Variants in MED13L observed in about 807,000 individuals in gnomAD.
MED13L encodes mediator complex subunit 13L.
In MED13L, 7 loss-of-function variants were observed where a neutral mutation model predicts 220.9. The ratio of observed to expected loss-of-function variants is 0.03; its 90% CI spans 0.02 to 0.06. The LOEUF (loss-of-function observed/expected upper bound fraction) is 0.06, where lower values mean the gene tolerates loss of function less well. MED13L is among the 10% of genes least tolerant of loss of function. The probability of loss-of-function intolerance (pLI) is 1.00; values close to 1 mark genes in which losing one functional copy is unlikely to be tolerated. For synonymous variants in MED13L, 1,011 were observed against 1,015.2 expected (o/e 1.00, Z 0.08); for missense variants, 1,965 against 2,760.5 (o/e 0.71, Z 6.46).
At chr12:116,044,044 T>G (rs1182193394) in intron 4 of MED13L, among the ~76,000 whole-genome samples, 3 of 152,048 alleles carry the variant, frequency 2.0e-5, no homozygotes, top group African/African-American at 7.2e-5. Flanking sequence ...GCATTAAGAG[T>G]TCATGTGACC....
chr12:116,035,009 A>AAAAAC (rs879429576), intron 4 of MED13L, among the ~76,000 whole-genome samples: 9 of 152,336 alleles, frequency 5.9e-5, no homozygotes, highest in South Asian at 4.1e-4. Context: ...TCTCAAAAAC[A>AAAAAC]AAAACAAAAC....
chr12:116,181,289 T>C (rs1880501996), intron 2 of MED13L: 1 of 149,108 alleles, frequency 6.7e-6, no homozygotes, highest in African/African-American at 2.5e-5. Flanking sequence ...TTATAAATCA[T>C]CTTTAAAAAA....
At chr12:116,113,429 C>A (rs2137909148) in intron 2 of MED13L, among the ~76,000 whole-genome samples, 1 of 147,008 alleles carries the variant, frequency 6.8e-6, no homozygotes, top group East Asian at 2.0e-4. Context: ...TTGAGCCCAG[C>A]AGATCAAGAC....
chr12:116,006,303 C>T lies in MED13L; in HGVS notation c.2344+3G>A. ...AAGTGAGGCAAATAATCATTGTACA[C>T]ACCTGTTTTAGTAGCAGAACTGAAA... is the stretch of plus-strand genomic sequence containing the variant. On this transcript the variant is annotated splice_donor_region_variant and intron_variant, in intron 12 of 30. Transcript: ENST00000281928. 1.2e-6 allele frequency: 2 copies of T among 1,611,720 alleles called. No individual in the cohort carries two copies. Among genetic ancestry groups the T allele is most frequent in the Non-Finnish European group, 1.7e-6 (2 of 1,177,852 alleles).
At chr12:116,101,528 G>GTGGTGTT (rs981585197) in intron 3 of MED13L, among the ~76,000 whole-genome samples, 2 of 152,134 alleles carry the variant, frequency 1.3e-5, no homozygotes, top group Non-Finnish European at 2.9e-5. Context: ...TAATGCAACA[G>GTGGTGTT]TGGTGTTTGA....
intron 4 of MED13L, among the ~76,000 whole-genome samples, chr12:116,050,765 C>T (rs187251970): frequency 5.3e-5 from 8 of 152,096 alleles, no homozygotes; most frequent in African/African-American, 1.9e-4. Context: ...GGTGAAACCC[C>T]GTCTCTACTA....
chr12:116,246,204 T>C (rs1445141922), intron 1 of MED13L, among the ~76,000 whole-genome samples: 1 of 139,032 alleles, frequency 7.2e-6, no homozygotes, highest in East Asian at 2.0e-4. Flanking sequence ...TTTTTAGACA[T>C]GCAAAAAAAA....
intron 1 of MED13L, among the ~76,000 whole-genome samples, chr12:116,273,291 G>A (rs760249496): frequency 1.3e-4 from 20 of 151,782 alleles, no homozygotes; most frequent in African/African-American, 2.2e-4. Flanking sequence ...GCAACAAGGC[G>A]AAACTCCGTC....
At position 115,961,405 on chromosome 12, in the gene MED13L, A is replaced by G; in HGVS notation, c.6501-7T>C. On this transcript the variant is annotated splice_region_variant and splice_polypyrimidine_tract_variant and intron_variant, in intron 30 of 30. Coordinates refer to ENST00000281928, the MANE Select transcript of MED13L (RefSeq NM_015335.5). ...GTACTGCTCCAAAACAAACCTGCCA[A>G]AGAGAACACACAGAGCAGGGGCGTG... 1 of 1,613,466 alleles carries G rather than the reference A, an allele frequency of 6.2e-7. No homozygotes were observed.
At chr12:116,121,701 A>G (rs1875109279) in intron 2 of MED13L, among the ~76,000 whole-genome samples, 1 of 152,226 alleles carries the variant, frequency 6.6e-6, no homozygotes, top group Non-Finnish European at 1.5e-5. Context: ...TTAATGTATC[A>G]TATTGCAGCA....
At chr12:115,967,101 G>A (rs564778993) in intron 28 of MED13L, among the ~76,000 whole-genome samples, 37 of 133,244 alleles carry the variant, frequency 2.8e-4, no homozygotes, top group Non-Finnish European at 4.7e-4. Context: ...AACCCAGGAG[G>A]CAAAGGTTGC....
In MED13L at chr12:116,111,513, C is replaced by CT; in HGVS notation, c.311-2dup. The CT allele has an allele frequency of 1.3e-6, 2 of 1,579,846 alleles. No homozygotes were observed. The highest frequency in any genetic ancestry group is 1.7e-6 in the Non-Finnish European group (2 of 1,165,112). ...TTTTCCCAGAGTCCTTCTTCCACAACTGAAAAAAAAAAGAAAAAAGAAAAA... is the reference window on the plus strand; with the variant it reads ...TTTTCCCAGAGTCCTTCTTCCACAACTTGAAAAAAAAAAGAAAAAAGAAAAA... On this transcript the variant is annotated splice_acceptor_variant, in intron 2 of 30. Transcript: ENST00000281928. LOFTEE classifies it high-confidence loss of function.
intron 4 of MED13L, among the ~76,000 whole-genome samples, chr12:116,074,285 C>T (rs1171227895): frequency 6.6e-6 from 1 of 152,160 alleles, no homozygotes. Flanking sequence ...GTCCCAGCTA[C>T]TTGGGAGGCT....
chr12:115,999,133 C>T (rs1878586981), intron 14 of MED13L, among the ~76,000 whole-genome samples: 1 of 152,126 alleles, frequency 6.6e-6, no homozygotes, highest in African/African-American at 2.4e-5. Flanking sequence ...ACACTGGAGG[C>T]CGGGTGGGAT....
At chr12:116,241,330 A>C (rs1171729511) in intron 1 of MED13L, among the ~76,000 whole-genome samples, 1 of 149,436 alleles carries the variant, frequency 6.7e-6, no homozygotes, top group Non-Finnish European at 1.5e-5. Context: ...AAAACAAAAA[A>C]ACAAAAAAAA....
chr12:116,137,852 A>ATTTTTTT (rs5801166), intron 2 of MED13L, among the ~76,000 whole-genome samples: 2 of 118,484 alleles, frequency 1.7e-5, no homozygotes, highest in African/African-American at 3.5e-5. Context: ...TAATGAGGTA[A>ATTTTTTT]TTTTTTTTTT....
intron 23 of MED13L, among the ~76,000 whole-genome samples, chr12:115,979,488 T>C (rs530777245): frequency 1.3e-5 from 2 of 152,318 alleles, no homozygotes; most frequent in South Asian, 2.1e-4. Context: ...CTGCCTAAAA[T>C]AGAAATTTTA....
intron 2 of MED13L, among the ~76,000 whole-genome samples, chr12:116,213,816 C>G (rs756792376): frequency 6.6e-6 from 1 of 152,174 alleles, no homozygotes; most frequent in Non-Finnish European, 1.5e-5. Flanking sequence ...ATATGGAATC[C>G]TTTTATTTCA....
intron 1 of MED13L, among the ~76,000 whole-genome samples, chr12:116,267,804 T>C (rs1184926268): frequency 1.3e-5 from 2 of 152,210 alleles, no homozygotes; most frequent in African/African-American, 4.8e-5. Context: ...ATCTATAGGT[T>C]GCCTACTATG....
Sources: gnomAD v4.1 joint callset for allele counts (sites outside exome capture counted in the v4.1 genomes callset) on GRCh38, gnomAD v4.1.1 for gene constraint, MANE v1.5 for transcripts, NCBI Gene and HGNC (gene_info 2026-07-23, HGNC 2026-07-21) for gene names.